WWOX: variants seen among roughly 807,000 people sequenced by gnomAD.
WWOX encodes the protein WW domain containing oxidoreductase, also known as WW domain-containing oxidoreductase.
Under a neutral mutation model 46.2 loss-of-function variants are expected in WWOX, and 69 were observed. That is an observed-to-expected ratio of 1.49 (90% CI 1.23 to 1.82). WWOX has a LOEUF of 1.82. Ranked by LOEUF, WWOX falls within the 40% of genes most tolerant of loss-of-function variation. The pLI, the probability that WWOX is intolerant of heterozygous loss-of-function variation, is 0.00. For synonymous variants in WWOX, 359 were observed against 202.6 expected, an observed-to-expected ratio of 1.77 and a Z score of -6.56; for missense variants, 919 against 542.6, an observed-to-expected ratio of 1.69 and a Z score of -6.89.
intron 8 of WWOX, among the ~76,000 whole-genome samples, chr16:79,029,225 C>A (rs574440423): frequency 6.6e-6 from 1 of 152,180 alleles, no homozygotes; most frequent in East Asian, 1.9e-4. Flanking sequence ...CCCACCCCGT[C>A]ACGGCTGGGC....
At chr16:79,004,971 T>G (rs993324482) in intron 8 of WWOX, among the ~76,000 whole-genome samples, 2 of 152,172 alleles carry the variant, frequency 1.3e-5, no homozygotes, top group Admixed American at 1.3e-4. Flanking sequence ...GTTGTTGTTT[T>G]CTTTTCACTT....
chr16:78,531,641 G>T lies in WWOX; in HGVS notation c.1056+98889G>T, dbSNP rs141018963. Among the ~76,000 whole-genome samples the T allele has an allele frequency of 9.9e-5, 15 of 152,194 alleles. No individual in the cohort carries two copies. In the East Asian group the frequency reaches 2.7e-3, roughly 28 times the overall value. ...GTGAATCACTTGAGGTCAGGAGTTC[G>T]AGACTAGCCTGGCCAACATGGTGAA... On this transcript the variant is annotated intron_variant, in intron 8 of 8. Transcript: ENST00000566780.
intron 8 of WWOX, among the ~76,000 whole-genome samples, chr16:79,052,622 C>T (rs555269678): frequency 1.3e-5 from 2 of 152,168 alleles, no homozygotes; most frequent in Non-Finnish European, 2.9e-5. Flanking sequence ...GGAACAAATA[C>T]AGAATGTGAG....
chr16:78,333,260 G>A (rs1318790637), intron 5 of WWOX, among the ~76,000 whole-genome samples: 2 of 151,754 alleles, frequency 1.3e-5, no homozygotes, highest in Non-Finnish European at 2.9e-5. Context: ...GTGTTGGCCA[G>A]GCTTGTCTCA....
At chr16:78,693,056 A>G (rs114814912) in intron 8 of WWOX, among the ~76,000 whole-genome samples, 1 of 152,356 alleles carries the variant, frequency 6.6e-6, no homozygotes, top group African/African-American at 2.4e-5. Flanking sequence ...TTTATTTGCC[A>G]TCCAGAGCTT....
At chr16:78,929,841 C>A (rs185504267) in intron 8 of WWOX, among the ~76,000 whole-genome samples, 1 of 152,174 alleles carries the variant, frequency 6.6e-6, no homozygotes, top group Non-Finnish European at 1.5e-5. Context: ...GCAGGAAATG[C>A]GATTGTGCAC....
At chr16:78,673,271 G>A (rs561890327) in intron 8 of WWOX, among the ~76,000 whole-genome samples, 4 of 152,334 alleles carry the variant, frequency 2.6e-5, no homozygotes, top group South Asian at 4.1e-4. Flanking sequence ...GGAGAATGGT[G>A]CAGAATAAGC....
intron 8 of WWOX, among the ~76,000 whole-genome samples, chr16:78,781,048 C>CA (rs768354584): frequency 3.9e-5 from 6 of 152,264 alleles, no homozygotes; most frequent in Non-Finnish European, 7.4e-5. Context: ...GATTGTTTTG[C>CA]AGCTGCAACC....
chr16:78,416,015 A>G (rs1264954833), intron 6 of WWOX, among the ~76,000 whole-genome samples: 2 of 152,336 alleles, frequency 1.3e-5, no homozygotes, highest in African/African-American at 2.4e-5. Context: ...TAGAACCTGC[A>G]TGCTGCCTTC....
At chr16:78,791,479 C>T (rs1597615773) in intron 8 of WWOX, among the ~76,000 whole-genome samples, 1 of 152,152 alleles carries the variant, frequency 6.6e-6, no homozygotes, top group East Asian at 1.9e-4. Flanking sequence ...TTGATGTCAG[C>T]ACTTTGCCCT....
intron 6 of WWOX, among the ~76,000 whole-genome samples, chr16:78,405,850 CCA>C (rs920590005): frequency 3.9e-5 from 6 of 152,082 alleles, no homozygotes; most frequent in African/African-American, 1.4e-4. Context: ...TTCCTGAGGG[CCA>C]CACACATAAT....
intron 8 of WWOX, among the ~76,000 whole-genome samples, chr16:79,140,622 G>C (rs899137683): frequency 5.9e-5 from 9 of 152,226 alleles, no homozygotes; most frequent in African/African-American, 1.7e-4. Context: ...AAGCCACCAG[G>C]TGGTAATTAA....
chr16:78,622,875 A>G (rs2046223885), intron 8 of WWOX, among the ~76,000 whole-genome samples: 1 of 152,190 alleles, frequency 6.6e-6, no homozygotes, highest in South Asian at 2.1e-4. Flanking sequence ...AAAATCCCTT[A>G]AAGAGGAGCT....
chr16:78,964,099 G>C (rs1283383734), intron 8 of WWOX, among the ~76,000 whole-genome samples: 1 of 152,146 alleles, frequency 6.6e-6, no homozygotes. Context: ...GTCTTTATCA[G>C]CAGTGTGAAA....
chr16:79,006,244 G>T (rs944430169), intron 8 of WWOX, among the ~76,000 whole-genome samples: 1 of 152,198 alleles, frequency 6.6e-6, no homozygotes, highest in Non-Finnish European at 1.5e-5. Flanking sequence ...CATTTGATGA[G>T]TTGCACAAAG....
intron 8 of WWOX, among the ~76,000 whole-genome samples, chr16:78,959,455 T>C (rs1375632240): frequency 2.0e-5 from 3 of 152,202 alleles, no homozygotes; most frequent in Non-Finnish European, 2.9e-5. Flanking sequence ...TCAGGTATGA[T>C]AATAAAAACC....
At chr16:78,655,441 G>A (rs1045835140) in intron 8 of WWOX, among the ~76,000 whole-genome samples, 1 of 152,174 alleles carries the variant, frequency 6.6e-6, no homozygotes, top group Admixed American at 6.5e-5. Flanking sequence ...GAAGTTAGAA[G>A]ATTTAAATAT....
chr16:78,863,351 T>G (rs958151094), intron 8 of WWOX, among the ~76,000 whole-genome samples: 3 of 152,234 alleles, frequency 2.0e-5, no homozygotes, highest in African/African-American at 7.2e-5. Context: ...CTCAAAAATC[T>G]CTAGGCCAAG....
chr16:78,659,416 G>A (rs1052971649), intron 8 of WWOX, among the ~76,000 whole-genome samples: 5 of 152,008 alleles, frequency 3.3e-5, no homozygotes, highest in Admixed American at 1.3e-4. Flanking sequence ...CCTCAGGCTC[G>A]CCCCACCCCG....
Sources: gnomAD v4.1 joint callset for allele counts (sites outside exome capture counted in the v4.1 genomes callset) on GRCh38, gnomAD v4.1.1 for gene constraint, MANE v1.5 for transcripts, NCBI Gene and HGNC (gene_info 2026-07-23, HGNC 2026-07-21) for gene names.